Variants in EIF4G3 observed in about 807,000 individuals in gnomAD.
EIF4G3 encodes eukaryotic translation initiation factor 4 gamma 3.
A neutral mutation model predicts 186.4 loss-of-function variants in EIF4G3; 34 were observed. The ratio of observed to expected loss-of-function variants is 0.18; its 90% CI spans 0.14 to 0.24. The LOEUF is 0.24. Ranked by LOEUF, EIF4G3 falls within the 10% of genes least tolerant of loss-of-function variation. EIF4G3 has a pLI of 1.00. For synonymous variants in EIF4G3, 673 were observed against 679.5 expected (o/e 0.99, Z 0.15); for missense variants, 1,536 against 1,948.5 (o/e 0.79, Z 3.99).
At chr1:20,899,587 T>C in intron 16 of EIF4G3, 110 bp downstream of exon 16, 2 of 1,338,514 alleles carry the variant, frequency 1.5e-6, no homozygotes, top group Non-Finnish European at 2.0e-6. Flanking sequence ...AATATTATAT[T>C]GTGATAAACC....
At chr1:21,075,930 G>C (rs2095576761) in intron 3 of EIF4G3, among the ~76,000 whole-genome samples, 1 of 152,102 alleles carries the variant, frequency 6.6e-6, no homozygotes, top group Non-Finnish European at 1.5e-5. Context: ...CTCAGCATTG[G>C]ACAGATGATC....
At chr1:20,936,001 A>T (rs1292214395) in intron 14 of EIF4G3, among the ~76,000 whole-genome samples, 5 of 152,192 alleles carry the variant, frequency 3.3e-5, no homozygotes, top group African/African-American at 1.2e-4. Context: ...TTAATACCCA[A>T]TGACTGAGAC....
At chr1:20,854,940 A>C (rs1571706967) in intron 26 of EIF4G3, 38 bp downstream of exon 26, 1 of 1,562,340 alleles carries the variant, frequency 6.4e-7, no homozygotes, top group Non-Finnish European at 8.8e-7. Flanking sequence ...AATGCTAACA[A>C]GCCACAGCCA....
intron 4 of EIF4G3, among the ~76,000 whole-genome samples, chr1:21,036,991 T>C (rs551626119): frequency 5.9e-5 from 9 of 152,326 alleles, no homozygotes; most frequent in Admixed American, 4.6e-4. Context: ...TTCAGTATAG[T>C]ACTGAACTGG....
intron 19 of EIF4G3, among the ~76,000 whole-genome samples, chr1:20,879,789 T>C (rs1382147295): frequency 6.6e-6 from 1 of 152,168 alleles, no homozygotes; most frequent in South Asian, 2.1e-4. Flanking sequence ...TAAGGGCAAT[T>C]TGACAACGTG....
chr1:21,166,204 A>G (rs2097853243), intron 2 of EIF4G3, among the ~76,000 whole-genome samples: 1 of 150,208 alleles, frequency 6.7e-6, no homozygotes, highest in Admixed American at 6.7e-5. Context: ...AAGCGAGAGG[A>G]TCCCTTGAGC....
intron 5 of EIF4G3, among the ~76,000 whole-genome samples, chr1:21,001,577 A>G (rs2083508209): frequency 6.6e-6 from 1 of 152,126 alleles, no homozygotes; most frequent in Non-Finnish European, 1.5e-5. Flanking sequence ...CACTCTCATA[A>G]CAAAACTTGT....
At chr1:20,860,600 A>G in intron 23 of EIF4G3, 83 bp from the exon 24 acceptor site, 1 of 1,450,990 alleles carries the variant, frequency 6.9e-7, no homozygotes, top group South Asian at 1.3e-5. Context: ...TTACTACTGG[A>G]AAAGTACAAA....
chr1:21,077,700 G>A (rs1024782445), intron 3 of EIF4G3, among the ~76,000 whole-genome samples: 4 of 151,882 alleles, frequency 2.6e-5, no homozygotes, highest in African/African-American at 4.8e-5. Flanking sequence ...GACCAACATG[G>A]AGAAACCCCA....
intron 19 of EIF4G3, among the ~76,000 whole-genome samples, chr1:20,880,157 A>G (rs2081928469): frequency 6.6e-6 from 1 of 152,208 alleles, no homozygotes; most frequent in African/African-American, 2.4e-5. Context: ...TCTTTTCACC[A>G]TTCCCATTCA....
intron 2 of EIF4G3, among the ~76,000 whole-genome samples, chr1:21,153,812 T>A (rs1229152241): frequency 6.6e-6 from 1 of 151,898 alleles, no homozygotes; most frequent in Non-Finnish European, 1.5e-5. Context: ...TGATCCTCCC[T>A]CCTTGGCCTC....
rs144358611 is a variant in EIF4G3, at chr1:21,026,647, C to T, written c.-66-23839G>A. Among the ~76,000 whole-genome samples, 526 of 152,144 alleles carry T rather than the reference C, an allele frequency of 3.5e-3. 3 individuals are homozygous for T. Among genetic ancestry groups the T allele is most frequent in the Admixed American group, 8.4e-3 (128 of 15,290 alleles). ...AGAGAAAATATTTGTAAACTGTACA[C>T]CTGTTAAAAAGTTAATATCCTGGGC... On this transcript the variant is annotated intron_variant, in intron 4 of 36. Coordinates refer to ENST00000602326, the MANE Select transcript of EIF4G3 (RefSeq NM_001391906.1).
intron 2 of EIF4G3, among the ~76,000 whole-genome samples, chr1:21,148,869 A>C (rs1260250036): frequency 6.6e-6 from 1 of 152,050 alleles, no homozygotes; most frequent in Non-Finnish European, 1.5e-5. Context: ...GTTTTCAGTA[A>C]ATTGTGGCAC....
intron 3 of EIF4G3, among the ~76,000 whole-genome samples, chr1:21,085,496 G>A (rs1041963532): frequency 1.3e-5 from 2 of 152,042 alleles, no homozygotes; most frequent in African/African-American, 4.8e-5. Flanking sequence ...GACCTCCTGG[G>A]CTCAAGTGAT....
At chr1:21,005,196 G>A (rs917186317) in intron 4 of EIF4G3, among the ~76,000 whole-genome samples, 14 of 152,088 alleles carry the variant, frequency 9.2e-5, no homozygotes, top group African/African-American at 3.4e-4. Context: ...GCTCCACTGA[G>A]ATAGGGAAAG....
intron 29 of EIF4G3, among the ~76,000 whole-genome samples, chr1:20,847,421 T>C (rs1207008674): frequency 6.6e-6 from 1 of 152,056 alleles, no homozygotes; most frequent in Non-Finnish European, 1.5e-5. Context: ...CTCCAAAGAG[T>C]CCTCCTATTG....
intron 14 of EIF4G3, among the ~76,000 whole-genome samples, chr1:20,926,677 A>G (rs1169440139): frequency 1.5e-5 from 2 of 129,174 alleles, no homozygotes; most frequent in Non-Finnish European, 3.6e-5. Flanking sequence ...AGAAAAAAGA[A>G]AAGAAAAAAA....
chr1:20,843,631 A>G (rs1252666252), intron 29 of EIF4G3, among the ~76,000 whole-genome samples: 3 of 152,204 alleles, frequency 2.0e-5, no homozygotes, highest in African/African-American at 2.4e-5. Flanking sequence ...TCAATTAGCT[A>G]TATCATGATA....
chr1:20,954,660 G>T (rs1056424887), intron 12 of EIF4G3, among the ~76,000 whole-genome samples: 66 of 151,638 alleles, frequency 4.4e-4, no homozygotes, highest in African/African-American at 1.5e-3. Flanking sequence ...AGAACGGTGT[G>T]TGTCAATATG....
Sources: gnomAD v4.1 joint callset for allele counts (sites outside exome capture counted in the v4.1 genomes callset) on GRCh38, gnomAD v4.1.1 for gene constraint, MANE v1.5 for transcripts, NCBI Gene and HGNC (gene_info 2026-07-23, HGNC 2026-07-21) for gene names.